The following PTPRD variants were observed in gnomAD, a reference collection of about 807,000 sequenced individuals.
PTPRD encodes the protein protein tyrosine phosphatase receptor type D.
PTPRD carries 34 observed loss-of-function variants against 214.5 expected under a neutral mutation model. That is an observed-to-expected ratio of 0.16 (90% CI 0.12 to 0.21). The LOEUF is 0.21. Ranked by LOEUF, PTPRD falls within the 10% of genes least tolerant of loss-of-function variation. The pLI is 1.00. For synonymous variants in PTPRD, 1,128 were observed against 845.7 expected (o/e 1.33, Z -5.79); for missense variants, 2,545 against 2,398.7 (o/e 1.06, Z -1.27).
intron 3 of PTPRD, among the ~76,000 whole-genome samples, chr9:10,324,487 T>A (rs2096608769): frequency 1.3e-5 from 2 of 152,012 alleles, no homozygotes; most frequent in Non-Finnish European, 2.9e-5. Context: ...TGGATAATAT[T>A]GTTAGTATCA....
intron 7 of PTPRD, among the ~76,000 whole-genome samples, chr9:9,655,706 G>T (rs887768976): frequency 2.0e-5 from 3 of 151,494 alleles, no homozygotes; most frequent in African/African-American, 7.3e-5. Context: ...AGCTGGGTGC[G>T]GTGGCTCACA....
At chr9:9,947,665 T>C (rs1586830525) in intron 4 of PTPRD, among the ~76,000 whole-genome samples, 1 of 114,168 alleles carries the variant, frequency 8.8e-6, no homozygotes, top group South Asian at 2.4e-4. Flanking sequence ...CCATGGCATG[T>C]AGGTAGTAAA....
At chr9:10,101,104 T>A (rs944570419) in intron 3 of PTPRD, among the ~76,000 whole-genome samples, 1 of 151,498 alleles carries the variant, frequency 6.6e-6, no homozygotes, top group Non-Finnish European at 1.5e-5. Flanking sequence ...TACATTCAGA[T>A]GGGACTGACT....
At chr9:10,449,051 C>A (rs2098818580) in intron 2 of PTPRD, among the ~76,000 whole-genome samples, 1 of 152,022 alleles carries the variant, frequency 6.6e-6, no homozygotes, top group African/African-American at 2.4e-5. Context: ...TTCTCTCCCT[C>A]TCCGTCTCCC....
intron 35 of PTPRD, among the ~76,000 whole-genome samples, chr9:8,435,164 T>C (rs2095290406): frequency 1.3e-5 from 2 of 152,332 alleles, no homozygotes; most frequent in Admixed American, 6.5e-5. Context: ...ACTACAGATA[T>C]GTTTTGGTTT....
rs1029164310 is a variant in PTPRD, at chr9:9,241,989, T to C, written c.-202-58626A>G. Among the ~76,000 whole-genome samples, 8 of 152,202 alleles carry C rather than the reference T, an allele frequency of 5.3e-5. 1 individual carries two copies. The South Asian group carries it at 6.2e-4, about 12-fold the overall frequency. On this transcript the variant is annotated intron_variant, in intron 9 of 45. Coordinates refer to ENST00000381196, the MANE Select transcript of PTPRD (RefSeq NM_002839.4). ...TTTTTGCAGTGGCTGGTACCGGTTG[T>C]TCATTTCCATGTTTAGTGCTTCCTT...
intron 34 of PTPRD, chr9:8,437,051 T>C: frequency 4.7e-6 from 3 of 642,410 alleles, no homozygotes; most frequent in Non-Finnish European, 7.9e-6. Flanking sequence ...AAACTCCTTC[T>C]CCTGCACTGT....
Position 9,613,806 on chromosome 9 carries a change from G to A in PTPRD, c.-286-39025C>T, listed in dbSNP as rs2094686391. Among the ~76,000 whole-genome samples the A allele has an allele frequency of 3.9e-5, 6 of 152,222 alleles. No homozygotes were observed. In the South Asian group the frequency reaches 1.0e-3, roughly 26 times the overall value. On this transcript the variant is annotated intron_variant, in intron 7 of 45. Transcript: ENST00000381196. ...AGATCCTCGGGTGACTTGTGGGCACGTGAAAATTTGAGAAGCAGTGCTCTG... is the reference window on the plus strand; with the variant it reads ...AGATCCTCGGGTGACTTGTGGGCACATGAAAATTTGAGAAGCAGTGCTCTG...
intron 10 of PTPRD, among the ~76,000 whole-genome samples, chr9:9,089,215 C>T (rs562583743): frequency 6.6e-6 from 1 of 152,134 alleles, no homozygotes; most frequent in African/African-American, 2.4e-5. Context: ...TTTAAAAGGG[C>T]TTTCTGTAAA....
intron 11 of PTPRD, among the ~76,000 whole-genome samples, chr9:8,985,618 T>C (rs1285273294): frequency 6.6e-6 from 1 of 150,504 alleles, no homozygotes; most frequent in East Asian, 1.9e-4. Context: ...CTTGGACATG[T>C]AAATAAAATT....
At chr9:8,849,319 G>C (rs1025458395) in intron 11 of PTPRD, among the ~76,000 whole-genome samples, 24 of 151,968 alleles carry the variant, frequency 1.6e-4, no homozygotes, top group Non-Finnish European at 2.6e-4. Flanking sequence ...GGGACTATAG[G>C]CAAGTGCCAC....
At chr9:8,432,954 C>T (rs1476850428) in intron 35 of PTPRD, among the ~76,000 whole-genome samples, 2 of 152,202 alleles carry the variant, frequency 1.3e-5, no homozygotes, top group African/African-American at 4.8e-5. Flanking sequence ...TCAAGAAGCA[C>T]TTCTGATCTA....
chr9:8,331,939 TATTTACTCTTGAAATCCTAA>T (rs1214336380), intron 43 of PTPRD, among the ~76,000 whole-genome samples: 23 of 37,242 alleles, frequency 6.2e-4, no homozygotes, highest in Admixed American at 5.0e-3. Flanking sequence ...ATCCTAAATT[TATTTACTCTTGAAATCCTAA>T]ATTTATTTAC....
chr9:10,026,466 C>A (rs1282310567), intron 4 of PTPRD, among the ~76,000 whole-genome samples: 1 of 152,068 alleles, frequency 6.6e-6, no homozygotes, highest in Non-Finnish European at 1.5e-5. Flanking sequence ...AAGTTGCCTG[C>A]CTAAGTTTCT....
At chr9:8,604,014 C>G (rs971825689) in intron 14 of PTPRD, among the ~76,000 whole-genome samples, 3 of 152,176 alleles carry the variant, frequency 2.0e-5, no homozygotes, top group Non-Finnish European at 2.9e-5. Flanking sequence ...CTACATATAT[C>G]CAAAATTAAA....
At chr9:10,180,592 C>A (rs1305581856) in intron 3 of PTPRD, among the ~76,000 whole-genome samples, 1 of 134,326 alleles carries the variant, frequency 7.4e-6, no homozygotes, top group Non-Finnish European at 1.6e-5. Context: ...GATACCAAAA[C>A]CAGATAAAGT....
chr9:10,174,745 A>G (rs2099236291), intron 3 of PTPRD, among the ~76,000 whole-genome samples: 1 of 152,062 alleles, frequency 6.6e-6, no homozygotes, highest in Non-Finnish European at 1.5e-5. Flanking sequence ...ATTTCAACAA[A>G]TGTTTATAGA....
chr9:9,271,911 T>C (rs1423774833), intron 9 of PTPRD, among the ~76,000 whole-genome samples: 1 of 151,416 alleles, frequency 6.6e-6, no homozygotes, highest in Non-Finnish European at 1.5e-5. Flanking sequence ...TAAAGGTTTC[T>C]GCATAATTGA....
intron 3 of PTPRD, among the ~76,000 whole-genome samples, chr9:10,225,077 A>G (rs2099584423): frequency 6.6e-6 from 1 of 151,996 alleles, no homozygotes; most frequent in African/African-American, 2.4e-5. Flanking sequence ...TAACCTCCAC[A>G]TTGTTCAGAG....
Sources: gnomAD v4.1 joint callset for allele counts (sites outside exome capture counted in the v4.1 genomes callset) on GRCh38, gnomAD v4.1.1 for gene constraint, MANE v1.5 for transcripts, NCBI Gene and HGNC (gene_info 2026-07-23, HGNC 2026-07-21) for gene names.